Variants in C2orf74 observed in about 807,000 individuals in gnomAD.
The protein encoded by C2orf74 is DPM1 ER membrane anchor 1, also known as uncharacterized protein C2orf74.
C2orf74 carries 14 observed loss-of-function variants against 17.9 expected under a neutral mutation model. The observed-to-expected ratio is 0.78, with a 90% CI of 0.52 to 1.22. The LOEUF is 1.22. Ranked by LOEUF, C2orf74 falls within the 50% of genes most tolerant of loss-of-function variation. C2orf74 has a pLI of 0.00. For synonymous variants in C2orf74, 79 were observed against 72.6 expected (o/e 1.09, Z -0.44); for missense variants, 217 against 218.4 (o/e 0.99, Z 0.04).
chr2:61,157,522 A>T (rs1391769903), upstream of C2orf74, among the ~76,000 whole-genome samples: 2 of 152,174 alleles, frequency 1.3e-5, no homozygotes, highest in African/African-American at 2.4e-5. Flanking sequence ...GCCAAAAAGG[A>T]AAGGCATGGA....
upstream of C2orf74, among the ~76,000 whole-genome samples, chr2:61,157,698 G>T (rs1472807021): frequency 6.6e-6 from 1 of 152,164 alleles, no homozygotes; most frequent in South Asian, 2.1e-4. Context: ...GGTTAATTAA[G>T]CTGATTTAGA....
chr2:61,146,521 A>T (rs115843447), intron 1 of C2orf74, among the ~76,000 whole-genome samples: 1,895 of 152,224 alleles, frequency 0.012, 46 homozygotes, highest in African/African-American at 0.043. Flanking sequence ...AACTTTTTTT[A>T]AAAAAGCTAG....
At chr2:61,164,316 G>A in intron 4 of C2orf74, 38 bp from the exon 5 acceptor site, 1 of 1,453,976 alleles carries the variant, frequency 6.9e-7, no homozygotes, top group Non-Finnish European at 9.1e-7. Flanking sequence ...GTCATAAATT[G>A]ATTATTTGTT....
intron 4 of C2orf74, among the ~76,000 whole-genome samples, 160 bp downstream of exon 4, chr2:61,163,392 A>C (rs1195074797): frequency 6.6e-6 from 1 of 152,020 alleles, no homozygotes; most frequent in Admixed American, 6.6e-5. Flanking sequence ...GCGGATCACG[A>C]GGGCACATCG....
chr2:61,153,426 G>A (rs924933952), intron 1 of C2orf74, among the ~76,000 whole-genome samples: 2 of 151,146 alleles, frequency 1.3e-5, no homozygotes, highest in Non-Finnish European at 3.0e-5. Flanking sequence ...GACTACAGGC[G>A]CCCACCACTA....
upstream of C2orf74, among the ~76,000 whole-genome samples, chr2:61,158,707 G>C (rs1323848700): frequency 1.1e-4 from 17 of 152,092 alleles, no homozygotes; most frequent in African/African-American, 4.1e-4. Context: ...AGTAGGGAGG[G>C]GTAAGGAAGC....
chr2:61,153,473 T>G (rs867283160), intron 1 of C2orf74, among the ~76,000 whole-genome samples: 31 of 151,528 alleles, frequency 2.0e-4, no homozygotes, highest in African/African-American at 5.1e-4. Context: ...TAGTAGAGAC[T>G]GGGTTTCACC....
At chr2:61,162,099 C>T (rs1046755733), upstream of C2orf74, 7 of 176,692 alleles carry the variant, frequency 4.0e-5, no homozygotes, top group African/African-American at 1.7e-4. Flanking sequence ...TGGACTGGCT[C>T]TCTGGTCTCT....
chr2:61,157,525 G>A (rs1027115767), upstream of C2orf74, among the ~76,000 whole-genome samples: 2 of 152,100 alleles, frequency 1.3e-5, no homozygotes, highest in African/African-American at 4.8e-5. Context: ...AAAAAGGAAA[G>A]GCATGGACTC....
upstream of C2orf74, among the ~76,000 whole-genome samples, chr2:61,160,908 A>G (rs779963465): frequency 2.0e-5 from 3 of 152,192 alleles, no homozygotes; most frequent in South Asian, 6.2e-4. Flanking sequence ...CCTGCTTGCA[A>G]TTCTTTGTGT....
chr2:61,164,217 A>G, intron 4 of C2orf74, 137 bp from the exon 5 acceptor site: 1 of 643,048 alleles, frequency 1.6e-6, no homozygotes. Context: ...ATCATGATGG[A>G]TTATTGCTAC....
At chr2:61,163,974 G>A (rs1179078525) in intron 4 of C2orf74, among the ~76,000 whole-genome samples, 1 of 151,930 alleles carries the variant, frequency 6.6e-6, no homozygotes, top group Non-Finnish European at 1.5e-5. Context: ...CTAGCTCCAG[G>A]GTCCTACAAC....
intron 1 of C2orf74, among the ~76,000 whole-genome samples, chr2:61,157,045 G>A (rs1268487563): frequency 2.0e-5 from 3 of 152,082 alleles, no homozygotes; most frequent in African/African-American, 4.8e-5. Context: ...TTGACTGATC[G>A]ATTGATTTGA....
chr2:61,163,277 G>A (rs1480462126), intron 4 of C2orf74, 45 bp downstream of exon 4: 2 of 1,526,428 alleles, frequency 1.3e-6, no homozygotes, highest in Non-Finnish European at 1.8e-6. Flanking sequence ...GAATTTGTTT[G>A]ATTGAAAATA....
At chr2:61,159,691 T>C (rs918784926), upstream of C2orf74, among the ~76,000 whole-genome samples, 1 of 152,132 alleles carries the variant, frequency 6.6e-6, no homozygotes, top group African/African-American at 2.4e-5. Flanking sequence ...GAACAAAGGG[T>C]GGAGATTGAA....
At chr2:61,149,878 T>C (rs1007618103) in intron 1 of C2orf74, among the ~76,000 whole-genome samples, 1 of 151,976 alleles carries the variant, frequency 6.6e-6, no homozygotes, top group Non-Finnish European at 1.5e-5. Context: ...CGCACGTAGA[T>C]GATACCGGGT....
chr2:61,153,166 A>C (rs74830698), intron 1 of C2orf74, among the ~76,000 whole-genome samples: 4 of 151,818 alleles, frequency 2.6e-5, no homozygotes, highest in Admixed American at 6.6e-5. Flanking sequence ...AAAAAAAAAA[A>C]ACAACATTAC....
chr2:61,158,350 T>C (rs534709723), upstream of C2orf74, among the ~76,000 whole-genome samples: 9 of 152,162 alleles, frequency 5.9e-5, 1 homozygote, highest in Middle Eastern at 3.4e-3. Context: ...AGGTGAGAAA[T>C]TACAAAGACT....
chr2:61,152,233 G>A (rs1033618605), intron 1 of C2orf74: 1 of 152,252 alleles, frequency 6.6e-6, no homozygotes, highest in Non-Finnish European at 1.5e-5. Context: ...TAACCTGACT[G>A]TGCTGTTTAC....
Sources: allele counts gnomAD v4.1 joint callset (sites outside exome capture counted in the v4.1 genomes callset), GRCh38; gene constraint gnomAD v4.1.1; transcripts MANE v1.5; gene names NCBI Gene and HGNC (gene_info 2026-07-23, HGNC 2026-07-21).